Variants in ATP12A observed in about 807,000 individuals in gnomAD.
The protein encoded by ATP12A is potassium-transporting ATPase alpha chain 2.
In ATP12A, 81 loss-of-function variants were observed where a neutral mutation model predicts 111.2. The observed-to-expected ratio is 0.73, with a 90% CI of 0.61 to 0.88. ATP12A has a LOEUF of 0.88. Ranked by LOEUF, ATP12A falls within the 40% of genes least tolerant of loss-of-function variation. The pLI is 0.00. For missense variants in ATP12A, 1,196 were observed against 1,313.1 expected (o/e 0.91, Z 1.38); for synonymous variants, 498 against 499.8 (o/e 1.00, Z 0.05).
chr13:24,711,247 A>G, intron 21 of ATP12A, 71 bp from the exon 22 acceptor site: 1 of 1,385,666 alleles, frequency 7.2e-7, no homozygotes, highest in South Asian at 1.3e-5. Context: ...GAGAAGCCCC[A>G]TTCCCATTGG....
chr13:24,707,716 T>A (rs550171568), intron 17 of ATP12A, among the ~76,000 whole-genome samples: 22 of 152,314 alleles, frequency 1.4e-4, no homozygotes, highest in African/African-American at 5.3e-4. Flanking sequence ...TTCACTCCCA[T>A]CACCTAGGCT....
intron 11 of ATP12A, among the ~76,000 whole-genome samples, 160 bp from the exon 12 acceptor site, chr13:24,698,498 T>C (rs1272256167): frequency 6.6e-6 from 1 of 152,080 alleles, no homozygotes; most frequent in Non-Finnish European, 1.5e-5. Flanking sequence ...TGGGGCCAAG[T>C]CTAGAGCTCT....
intron 3 of ATP12A, among the ~76,000 whole-genome samples, chr13:24,687,269 T>C (rs1354751197): frequency 6.6e-6 from 1 of 152,150 alleles, no homozygotes; most frequent in Non-Finnish European, 1.5e-5. Context: ...GAAACCAGCC[T>C]GGCCAACGTG....
rs1874386759 is a variant in ATP12A, at chr13:24,680,522, C to G, written c.-222C>G. ...GCCTGCGCCCTGGCGGGGACGTGGG[C>G]GGGGCGGGCGGCATTTAAGGCTGGT... On this transcript the variant is annotated 5_prime_UTR_variant, in exon 1 of 23. Coordinates refer to ENST00000381946, the MANE Select transcript of ATP12A (RefSeq NM_001676.7). 1.4e-5 allele frequency: 7 copies of G among 490,384 alleles called. 1 individual carries two copies. The South Asian group carries it at 2.4e-4, about 17-fold the overall frequency. 30.4% of individuals were successfully genotyped at this position (490,384 alleles called of 1,614,324 possible).
intron 11 of ATP12A, among the ~76,000 whole-genome samples, chr13:24,697,791 A>G (rs973161769): frequency 6.6e-6 from 1 of 152,086 alleles, no homozygotes; most frequent in Non-Finnish European, 1.5e-5. Flanking sequence ...ATCATTAAAA[A>G]AAGCAGCAGC....
chr13:24,694,916 C>G lies in ATP12A; in HGVS notation c.1512+338C>G, dbSNP rs960592944. ...ACCACCACTATCAGGTACCTTCTGCCGTGAGGAGCAGCAGCCATACTCCAA... is the reference window on the plus strand; with the variant it reads ...ACCACCACTATCAGGTACCTTCTGCGGTGAGGAGCAGCAGCCATACTCCAA... On this transcript the variant is annotated intron_variant, in intron 11 of 22. Coordinates refer to ENST00000381946, the MANE Select transcript of ATP12A (RefSeq NM_001676.7). Among the ~76,000 whole-genome samples the G allele has an allele frequency of 5.3e-5, 8 of 152,024 alleles. No homozygotes were observed. The South Asian group carries it at 1.2e-3, about 24-fold the overall frequency.
chr13:24,708,954 AAAGAAAG>A (rs1336621005), intron 17 of ATP12A, among the ~76,000 whole-genome samples: 4 of 121,046 alleles, frequency 3.3e-5, no homozygotes, highest in East Asian at 2.2e-4. Flanking sequence ...AGAAAGAAAG[AAAGAAAG>A]AAGGAAAGAG....
chr13:24,698,772 C>G lies in ATP12A; in HGVS notation c.1627C>G (p.His543Asp), dbSNP rs779712371. 46 of 1,614,068 alleles carry G rather than the reference C, an allele frequency of 2.8e-5. No individual in the cohort carries two copies. The East Asian group carries it at 1.0e-3, about 36-fold the overall frequency. Reference sequence around the variant, plus strand: ...CACCATCATGATCAACGGCGAGGAGCACCCACTGGACAAGAGCACTGCCAA... The same window carrying G: ...CACCATCATGATCAACGGCGAGGAGGACCCACTGGACAAGAGCACTGCCAA... ...CSTIMINGEE[H>D]PLDKSTAKTF... The change falls in exon 12 of 23, where the codon CAC (histidine) becomes GAC (aspartate). Residue 543 changes from histidine to aspartate, a missense_variant. Around this residue, in one of 3 missense-constraint regions of ATP12A, gnomAD observed 1,126 missense variants for 1,228.5 expected, o/e 0.92. Coordinates refer to ENST00000381946, the MANE Select transcript of ATP12A (RefSeq NM_001676.7).
At chr13:24,696,585 G>A (rs1472392760) in intron 11 of ATP12A, among the ~76,000 whole-genome samples, 1 of 126,990 alleles carries the variant, frequency 7.9e-6, no homozygotes, top group Non-Finnish European at 1.7e-5. Context: ...GGTGGCGGGC[G>A]CCTGTAGTCC....
intron 17 of ATP12A, among the ~76,000 whole-genome samples, chr13:24,709,149 C>G (rs996807192): frequency 6.6e-6 from 1 of 151,800 alleles, no homozygotes; most frequent in African/African-American, 2.4e-5. Context: ...TTCAGAACTG[C>G]CAGCACAGGG....
intron 10 of ATP12A, among the ~76,000 whole-genome samples, chr13:24,693,280 G>A (rs993672581): frequency 1.3e-5 from 2 of 152,116 alleles, no homozygotes; most frequent in African/African-American, 4.8e-5. Flanking sequence ...GAATATGGCT[G>A]CAGACAAAGC....
chr13:24,710,469 C>A lies in ATP12A; in HGVS notation c.2773C>A (p.Gln925Lys), dbSNP rs151327434. The change falls in exon 20 of 23, where the codon CAG becomes AAG. Residue 925 changes from glutamine (Q) to lysine (K), a missense_variant. Around this residue, in one of 3 missense-constraint regions of ATP12A, gnomAD observed 1,126 missense variants for 1,228.5 expected, o/e 0.92. Transcript: ENST00000381946. ...DSYGQEWTRY[Q>K]REYLEWTGYT... ...CTCTGCCCATTAACAGACAAGGTAC[C>A]AGAGGGAATACCTAGAATGGACGGG... The A allele has an allele frequency of 9.3e-6, 15 of 1,614,076 alleles. No homozygotes were observed. Among genetic ancestry groups the A allele is most frequent in the Non-Finnish European group, 9.3e-6 (11 of 1,180,006 alleles).
intron 3 of ATP12A, among the ~76,000 whole-genome samples, chr13:24,686,571 TCTAC>T (rs1874675998): frequency 6.6e-6 from 1 of 151,290 alleles, no homozygotes; most frequent in South Asian, 2.1e-4. Flanking sequence ...AAACCCCGTC[TCTAC>T]TAAAAATACA....
At position 24,700,850 on chromosome 13, in the gene ATP12A, C is replaced by T. The variant is rs1159349634; in HGVS notation, c.1809C>T (p.Leu603=). The part of the protein sequence containing the change: ...FPTSNLCFVG[L]LSMIDPPRST... The stretch of plus-strand genomic sequence containing the variant: ...CCTCCAACCTCTGTTTTGTGGGACT[C>T]TTGTCAATGATCGATCCCCCTCGGT... Residue 603 remains leucine (L), a synonymous_variant, in exon 13 of 23, where the codon CTC becomes CTT. Transcript: ENST00000381946. 3.7e-6 allele frequency: 6 copies of T among 1,614,046 alleles called. No individual in the cohort carries two copies. Among genetic ancestry groups the T allele is most frequent in the Non-Finnish European group, 5.1e-6 (6 of 1,180,036 alleles).
At position 24,692,811 on chromosome 13, in the gene ATP12A, G is replaced by A. The variant is rs1212672733; in HGVS notation, c.1292G>A (p.Arg431Lys). 1.9e-6 allele frequency: 3 copies of A among 1,614,072 alleles called. No homozygotes were observed. Among genetic ancestry groups the A allele is most frequent in the Admixed American group, 3.3e-5 (2 of 60,004 alleles). Reference protein sequence around the residue: ...HSNQVFDQSSRTWASLSKIIT... With the variant: ...HSNQVFDQSSKTWASLSKIIT... ...GACCAAGTCTTTGACCAAAGCTCTAGGACTTGGGCCTCCTTATCCAAGATA... is the reference window on the plus strand; with the variant it reads ...GACCAAGTCTTTGACCAAAGCTCTAAGACTTGGGCCTCCTTATCCAAGATA... The change falls in exon 10 of 23, where the codon AGG becomes AAG. Residue 431 changes from arginine to lysine, a missense_variant. Transcript: ENST00000381946.
intron 2 of ATP12A, among the ~76,000 whole-genome samples, chr13:24,684,906 G>T (rs960924994): frequency 2.0e-5 from 3 of 152,184 alleles, no homozygotes; most frequent in African/African-American, 2.4e-5. Context: ...CCCAGGAAGC[G>T]GTTCTAGTGT....
At chr13:24,701,003 C>G (rs1875371282) in intron 13 of ATP12A, 81 bp downstream of exon 13, 9 of 1,485,678 alleles carry the variant, frequency 6.1e-6, no homozygotes, top group Non-Finnish European at 8.3e-6. Flanking sequence ...AGCAGATGGT[C>G]AGTATTTAGG....
intron 14 of ATP12A, among the ~76,000 whole-genome samples, chr13:24,703,387 C>T (rs147102332): frequency 0.034 from 5,158 of 151,942 alleles, 118 homozygotes; most frequent in Middle Eastern, 0.058. Flanking sequence ...GGATTACAGG[C>T]GCCCGCCACC....
At chr13:24,693,380 C>T (rs1874993641) in intron 10 of ATP12A, among the ~76,000 whole-genome samples, 1 of 152,114 alleles carries the variant, frequency 6.6e-6, no homozygotes, top group Non-Finnish European at 1.5e-5. Flanking sequence ...CTCTCCATCT[C>T]AATGAGTCAC....
Sources: allele counts gnomAD v4.1 joint callset (sites outside exome capture counted in the v4.1 genomes callset), GRCh38; gene constraint gnomAD v4.1.1; regional missense constraint gnomAD v4.1.1; transcripts MANE v1.5; gene names NCBI Gene and HGNC (gene_info 2026-07-23, HGNC 2026-07-21).